PATL1: variants seen among roughly 807,000 people sequenced by gnomAD.
PATL1 encodes PAT1 homolog 1, processing body mRNA decay factor.
A neutral mutation model predicts 100.6 loss-of-function variants in PATL1; 32 were observed. The observed-to-expected ratio is 0.32, with a 90% CI of 0.24 to 0.43. The LOEUF (loss-of-function observed/expected upper bound fraction) is 0.43, where lower values mean the gene tolerates loss of function less well. Ranked by LOEUF, PATL1 falls within the 20% of genes least tolerant of loss-of-function variation. The pLI is 1.00. For missense variants in PATL1, 747 were observed against 949.9 expected (o/e 0.79, Z 2.81); for synonymous variants, 332 against 330.0 (o/e 1.01, Z -0.07).
intron 1 of PATL1, among the ~76,000 whole-genome samples, chr11:59,667,611 A>T (rs1390320277): frequency 6.6e-6 from 1 of 152,218 alleles, no homozygotes. Flanking sequence ...TTAATTCATC[A>T]AATACCTTTT....
At chr11:59,644,908 TTAA>T (rs1171151883) in intron 15 of PATL1, among the ~76,000 whole-genome samples, 4 of 142,082 alleles carry the variant, frequency 2.8e-5, no homozygotes, top group African/African-American at 1.1e-4. Flanking sequence ...TTTTTTTTTT[TTAA>T]AAAAAAAAAA....
At position 59,652,878 on chromosome 11, in the gene PATL1, A is replaced by G. The variant is rs1861466391; in HGVS notation, c.1262T>C (p.Leu421Pro). 4.3e-6 allele frequency: 7 copies of G among 1,613,838 alleles called. No homozygotes were observed. Among genetic ancestry groups the G allele is most frequent in the Non-Finnish European group, 5.9e-6 (7 of 1,179,894 alleles). ...ATCCAGGTAGGGATCAGTGCTTTGC[A>G]GTTGCATCATCTGGATTTTAGAGAC... ...DWVSKIQMMQ[L>P]QSTDPYLDDF... The change falls in exon 10 of 19, where the codon CTG becomes CCG. Residue 421 changes from leucine to proline, a missense_variant. By Grantham distance (98) the Leu-to-Pro change is moderately conservative. Around this residue, in one of 4 missense-constraint regions of PATL1, gnomAD observed 434 missense variants for 596.1 expected, o/e 0.73. Coordinates refer to ENST00000300146, the MANE Select transcript of PATL1 (RefSeq NM_152716.3).
At chr11:59,648,004 T>G in intron 14 of PATL1, 91 bp from the exon 15 acceptor site, 1 of 1,118,680 alleles carries the variant, frequency 8.9e-7, no homozygotes, top group Non-Finnish European at 1.3e-6. Context: ...ATGAATATAC[T>G]GCATTCATTT....
At chr11:59,650,708 C>T in intron 13 of PATL1, 46 bp downstream of exon 13, 1 of 1,346,424 alleles carries the variant, frequency 7.4e-7, no homozygotes, top group Non-Finnish European at 1.0e-6. Context: ...ATACATTTGA[C>T]AGTTCCGTAT....
intron 16 of PATL1, 39 bp from the exon 17 acceptor site, chr11:59,639,422 G>T: frequency 6.9e-7 from 1 of 1,456,852 alleles, no homozygotes; most frequent in Non-Finnish European, 9.4e-7. Flanking sequence ...TCAACACTGT[G>T]TCTAAACCTC....
At chr11:59,639,602 C>T (rs1044675450) in intron 16 of PATL1, 10 of 474,822 alleles carry the variant, frequency 2.1e-5, no homozygotes, top group African/African-American at 2.0e-4. Context: ...CAGGCGCAGC[C>T]AACAGAAACG....
chr11:59,652,883 C>T lies in PATL1; in HGVS notation c.1257G>A (p.Met419Ile), dbSNP rs1489658975. 3 of 1,613,882 alleles carry T rather than the reference C, an allele frequency of 1.9e-6. No homozygotes were observed. In the South Asian group the frequency reaches 3.3e-5, roughly 18 times the overall value. Reference protein sequence around the residue: ...EKDWVSKIQMMQLQSTDPYLD... With the variant: ...EKDWVSKIQMIQLQSTDPYLD... ...GGTAGGGATCAGTGCTTTGCAGTTGCATCATCTGGATTTTAGAGACCCAAT... is the reference window on the plus strand; with the variant it reads ...GGTAGGGATCAGTGCTTTGCAGTTGTATCATCTGGATTTTAGAGACCCAAT... Residue 419 changes from methionine (M) to isoleucine (I), a missense_variant, in exon 10 of 19, where the codon ATG becomes ATA. Met to Ile is a conservative substitution (Grantham distance 10). This residue lies in a region of PATL1 where 434 missense variants were observed against 596.1 expected (regional missense o/e 0.73). Coordinates refer to ENST00000300146, the MANE Select transcript of PATL1 (RefSeq NM_152716.3).
At chr11:59,665,510 T>C (rs1349063434) in intron 2 of PATL1, among the ~76,000 whole-genome samples, 1 of 152,206 alleles carries the variant, frequency 6.6e-6, no homozygotes, top group Non-Finnish European at 1.5e-5. Context: ...CTTAAAAATA[T>C]ACAGTTTTGG....
In PATL1 at chr11:59,639,182, G is replaced by C; in HGVS notation, c.2157C>G (p.Phe719Leu). The C allele has an allele frequency of 6.2e-7, 1 of 1,613,936 alleles. No individual in the cohort carries two copies. Among genetic ancestry groups the C allele is most frequent in the Non-Finnish European group, 8.5e-7 (1 of 1,179,880 alleles). The part of the protein sequence containing the change: ...TQNNQWTEVM[F>L]MATRELLRIP... ...TCCGCAGAAGTTCTCGTGTTGCCAT[G>C]AACATCACCTCCGTCCTGACAGGGA... Residue 719 changes from phenylalanine (F) to leucine (L), a missense_variant, in exon 18 of 19, where the codon TTC becomes TTG. Phe to Leu is a conservative substitution (Grantham distance 22). This residue lies in a region of PATL1 where 434 missense variants were observed against 596.1 expected (regional missense o/e 0.73). Coordinates refer to ENST00000300146, the MANE Select transcript of PATL1 (RefSeq NM_152716.3).
In PATL1 at chr11:59,657,215, C is replaced by A. The variant is rs12276264; in HGVS notation, c.621+315G>T. 6,076 of 832,066 alleles carry A rather than the reference C, an allele frequency of 7.3e-3. 311 individuals carry two copies. The African/African-American group carries it at 0.1, about 14-fold the overall frequency. The allele number at this position is 832,066 out of a possible 1,614,324, so 51.5% of individuals were successfully genotyped here. Reference sequence around the variant, plus strand: ...ATGTGGACAATGCTGTGTGTTCCCACTCCCCCCGGCTTTCAGTTATCTCTC... The same window carrying A: ...ATGTGGACAATGCTGTGTGTTCCCAATCCCCCCGGCTTTCAGTTATCTCTC... On this transcript the variant is annotated intron_variant, in intron 5 of 18. Coordinates refer to ENST00000300146, the MANE Select transcript of PATL1 (RefSeq NM_152716.3).
intron 14 of PATL1, among the ~76,000 whole-genome samples, chr11:59,648,391 G>A (rs950618859): frequency 6.6e-6 from 1 of 150,510 alleles, no homozygotes; most frequent in African/African-American, 2.4e-5. Flanking sequence ...CACCATGTTG[G>A]CCAGGTTGGT....
intron 14 of PATL1, among the ~76,000 whole-genome samples, chr11:59,648,524 A>G (rs1224691728): frequency 1.3e-5 from 2 of 151,668 alleles, no homozygotes; most frequent in Admixed American, 1.3e-4. Flanking sequence ...TTAAAAAAAA[A>G]AAAAAGAAAA....
At chr11:59,668,281 G>C (rs1309922942) in intron 1 of PATL1, among the ~76,000 whole-genome samples, 1 of 152,126 alleles carries the variant, frequency 6.6e-6, no homozygotes, top group Non-Finnish European at 1.5e-5. Context: ...CTACATTCCC[G>C]GCACCTTCTC....
In PATL1 at chr11:59,659,245, T is replaced by A; in HGVS notation, c.345+7A>T. On this transcript the variant is annotated splice_region_variant and intron_variant, in intron 3 of 18. Coordinates refer to ENST00000300146, the MANE Select transcript of PATL1 (RefSeq NM_152716.3). ...CTATAGTTCTCAAATCACAGTAACTTACTTACTTGTAAAACTGGCCTGGTC... is the reference window on the plus strand; with the variant it reads ...CTATAGTTCTCAAATCACAGTAACTAACTTACTTGTAAAACTGGCCTGGTC... The A allele has an allele frequency of 6.4e-7, 1 of 1,550,576 alleles. No homozygotes were observed. Among genetic ancestry groups the A allele is most frequent in the South Asian group, 1.2e-5 (1 of 84,016 alleles).
At chr11:59,665,790 C>T (rs1160101393) in intron 2 of PATL1, among the ~76,000 whole-genome samples, 2 of 151,576 alleles carry the variant, frequency 1.3e-5, no homozygotes, top group African/African-American at 4.9e-5. Flanking sequence ...TGTCTCAAAA[C>T]AAATATATGT....
At chr11:59,641,475 G>C (rs531287332) in intron 16 of PATL1, among the ~76,000 whole-genome samples, 11 of 152,030 alleles carry the variant, frequency 7.2e-5, no homozygotes, top group Non-Finnish European at 2.9e-5. Flanking sequence ...CTTCATGGCC[G>C]GTTGCAGTAG....
chr11:59,664,017 T>C (rs1427846095), intron 2 of PATL1, among the ~76,000 whole-genome samples: 1 of 152,212 alleles, frequency 6.6e-6, no homozygotes, highest in Non-Finnish European at 1.5e-5. Context: ...ACAATTCCAG[T>C]ACATTACACT....
At chr11:59,646,729 T>A (rs1249846674) in intron 15 of PATL1, among the ~76,000 whole-genome samples, 1 of 152,254 alleles carries the variant, frequency 6.6e-6, no homozygotes, top group Non-Finnish European at 1.5e-5. Flanking sequence ...CTGAATCTTG[T>A]ACTAATATTC....
Position 59,652,943 on chromosome 11 carries a change from A to T in PATL1, c.1197T>A (p.Asp399Glu), listed in dbSNP as rs1861467645. 7 of 1,613,802 alleles carry T rather than the reference A, an allele frequency of 4.3e-6. No individual in the cohort carries two copies. Among genetic ancestry groups the T allele is most frequent in the Non-Finnish European group, 5.9e-6 (7 of 1,179,884 alleles). ...GCTGCAACATGAGATTGGCATATGG[A>T]TCCTTTCGGAGATGATCTTGATGAC... ...RSSHQDHLRK[D>E]PYANLMLQRE... is the part of the protein sequence containing the mutation. The change falls in exon 10 of 19, where the codon GAT (aspartate) becomes GAA (glutamate). Residue 399 changes from aspartate (D) to glutamate (E), a missense_variant. Asp to Glu is a conservative substitution (Grantham distance 45). Transcript: ENST00000300146.
Sources: gnomAD v4.1 joint callset for allele counts (sites outside exome capture counted in the v4.1 genomes callset) on GRCh38, gnomAD v4.1.1 for gene constraint, gnomAD v4.1.1 regional missense constraint, MANE v1.5 for transcripts, NCBI Gene and HGNC (gene_info 2026-07-23, HGNC 2026-07-21) for gene names.